Variants in FAM13C observed in about 807,000 individuals in gnomAD.
FAM13C encodes the protein protein FAM13C.
A neutral mutation model predicts 73.2 loss-of-function variants in FAM13C; 37 were observed. That is an observed-to-expected ratio of 0.51 (90% CI 0.39 to 0.67). FAM13C has a LOEUF of 0.67. Ranked by LOEUF, FAM13C falls within the 30% of genes least tolerant of loss-of-function variation. The pLI, the probability that FAM13C is intolerant of heterozygous loss-of-function variation, is 0.00. For synonymous variants in FAM13C, 246 were observed against 260.9 expected, an observed-to-expected ratio of 0.94 and a Z score of 0.55; for missense variants, 589 against 715.6, an observed-to-expected ratio of 0.82 and a Z score of 2.02.
chr10:59,287,475 C>CT (rs200602603), intron 5 of FAM13C, among the ~76,000 whole-genome samples: 3,153 of 143,208 alleles, frequency 0.022, 47 homozygotes, highest in Middle Eastern at 0.06. Flanking sequence ...ACCTTTCATT[C>CT]TTTTTTTTTT....
rs757180554 is a variant in FAM13C at position 59,262,571 on chromosome 10, G to A, written c.1099C>T (p.Pro367Ser). Reference protein sequence around the residue: ...GPPRNLLCEQPTVPRENGKPE... With the variant: ...GPPRNLLCEQSTVPRENGKPE... Reference sequence around the variant, plus strand: ...TTCCCATTTTCTCTGGGGACTGTGGGTTGCTCACACAACAGGTTTCTAGGT... The same window carrying A: ...TTCCCATTTTCTCTGGGGACTGTGGATTGCTCACACAACAGGTTTCTAGGT... The change falls in exon 10 of 14, where the codon CCC becomes TCC. Residue 367 changes from proline (P) to serine (S), a missense_variant. Coordinates refer to ENST00000618804, the MANE Select transcript of FAM13C (RefSeq NM_198215.4). 13 of 1,613,774 alleles carry A rather than the reference G, an allele frequency of 8.1e-6. No homozygotes were observed. Among genetic ancestry groups the A allele is most frequent in the Admixed American group, 3.3e-5 (2 of 59,952 alleles).
At chr10:59,255,570 A>C (rs1428564416) in intron 10 of FAM13C, among the ~76,000 whole-genome samples, 1 of 152,150 alleles carries the variant, frequency 6.6e-6, no homozygotes, top group Non-Finnish European at 1.5e-5. Flanking sequence ...AGTGATATAC[A>C]CTTGGCAAGT....
intron 3 of FAM13C, among the ~76,000 whole-genome samples, chr10:59,351,245 A>G (rs533768020): frequency 1.3e-5 from 2 of 150,750 alleles, no homozygotes; most frequent in Admixed American, 6.7e-5. Context: ...AGGTGGGAGG[A>G]TCACTTGAAC....
intron 3 of FAM13C, among the ~76,000 whole-genome samples, chr10:59,338,436 T>C (rs563882852): frequency 6.6e-6 from 1 of 152,326 alleles, no homozygotes; most frequent in East Asian, 1.9e-4. Context: ...TGAATCATTC[T>C]ATTAGTTCAA....
intron 4 of FAM13C, among the ~76,000 whole-genome samples, chr10:59,307,166 G>T (rs942412698): frequency 1.4e-4 from 22 of 152,052 alleles, no homozygotes; most frequent in African/African-American, 4.3e-4. Flanking sequence ...GACTGAAATA[G>T]AGAAGTAAAA....
At chr10:59,362,134 A>G (rs1856490008) in intron 1 of FAM13C, among the ~76,000 whole-genome samples, 1 of 152,150 alleles carries the variant, frequency 6.6e-6, no homozygotes, top group African/African-American at 2.4e-5. Flanking sequence ...TCTGAGCTCC[A>G]AGAACACATA....
chr10:59,280,328 C>T (rs1318848195), intron 6 of FAM13C, among the ~76,000 whole-genome samples: 1 of 152,126 alleles, frequency 6.6e-6, no homozygotes, highest in Non-Finnish European at 1.5e-5. Context: ...CCCTAAGGGC[C>T]CTCTATTCCT....
At chr10:59,313,398 C>G (rs1849163491) in intron 4 of FAM13C, among the ~76,000 whole-genome samples, 1 of 152,192 alleles carries the variant, frequency 6.6e-6, no homozygotes. Flanking sequence ...CTTTGTTGCA[C>G]ACGAGCAAGA....
chr10:59,325,160 T>C (rs1850922806), intron 3 of FAM13C, among the ~76,000 whole-genome samples: 1 of 152,140 alleles, frequency 6.6e-6, no homozygotes, highest in African/African-American at 2.4e-5. Flanking sequence ...TGCAGTGAAT[T>C]TGGGTCTTCT....
intron 5 of FAM13C, chr10:59,300,814 G>C (rs1453824811): frequency 6.6e-6 from 1 of 152,214 alleles, no homozygotes; most frequent in Non-Finnish European, 1.5e-5. Flanking sequence ...GTAGCGACTG[G>C]AAGGAATTAC....
At chr10:59,306,151 G>T (rs1848223100) in intron 4 of FAM13C, among the ~76,000 whole-genome samples, 1 of 152,126 alleles carries the variant, frequency 6.6e-6, no homozygotes, top group East Asian at 1.9e-4. Context: ...CTAGGGCTTT[G>T]GTGCAAGCTC....
At chr10:59,278,308 T>G (rs1844548786) in intron 6 of FAM13C, among the ~76,000 whole-genome samples, 1 of 152,136 alleles carries the variant, frequency 6.6e-6, no homozygotes, top group African/African-American at 2.4e-5. Context: ...ATCTTTCATC[T>G]GGGGGTGATA....
chr10:59,361,783 C>T (rs921211184), intron 1 of FAM13C, among the ~76,000 whole-genome samples: 4 of 152,112 alleles, frequency 2.6e-5, no homozygotes, highest in East Asian at 1.9e-4. Flanking sequence ...CTCCTTCATT[C>T]ACACTCCTTC....
intron 4 of FAM13C, among the ~76,000 whole-genome samples, chr10:59,320,707 C>T (rs1375393732): frequency 2.6e-5 from 4 of 152,162 alleles, no homozygotes; most frequent in African/African-American, 7.2e-5. Context: ...CAGAAACAGC[C>T]GGATTCGTTA....
chr10:59,278,143 T>C lies in FAM13C; in HGVS notation c.592+5220A>G, dbSNP rs190546013. Among the ~76,000 whole-genome samples the C allele has an allele frequency of 2.0e-5, 3 of 152,236 alleles. No homozygotes were observed. In the East Asian group the frequency reaches 5.8e-4, roughly 29 times the overall value. ...AAACCATCAGACCTCATGTGACTTA[T>C]TCACTATCACGAGAGCAGCATGGGA... On this transcript the variant is annotated intron_variant, in intron 6 of 13. Transcript: ENST00000618804.
intron 3 of FAM13C, among the ~76,000 whole-genome samples, chr10:59,328,003 C>T (rs1251733006): frequency 6.6e-6 from 1 of 152,178 alleles, no homozygotes; most frequent in Non-Finnish European, 1.5e-5. Flanking sequence ...CCAAGCGTAG[C>T]CCAGATGGGC....
At position 59,319,101 on chromosome 10, in the gene FAM13C, ACACACACACACACACACATT is replaced by A. The variant is rs1360384971; in HGVS notation, c.443+4867_443+4886del. On this transcript the variant is annotated intron_variant, in intron 4 of 13. Transcript: ENST00000618804. ...CACACACACACACACACACACACACACACACACACACACACACATTGTCTATCTCAAAAACAAAAGATGAA... is the reference window on the plus strand; with the variant it reads ...CACACACACACACACACACACACACAGTCTATCTCAAAAACAAAAGATGAA... 3.7e-4 allele frequency among the ~76,000 whole-genome samples: 55 copies of A among 150,454 alleles called. 1 individual carries two copies. Among genetic ancestry groups the A allele is most frequent in the African/African-American group, 1.2e-3 (50 of 40,070 alleles).
At chr10:59,360,940 C>G (rs1039474241) in intron 1 of FAM13C, 23 of 1,016,030 alleles carry the variant, frequency 2.3e-5, no homozygotes, top group Non-Finnish European at 2.8e-5. Flanking sequence ...TGTGACTGAC[C>G]GAGGATTTGG....
At chr10:59,276,031 T>C (rs1395950501) in intron 6 of FAM13C, among the ~76,000 whole-genome samples, 2 of 152,182 alleles carry the variant, frequency 1.3e-5, no homozygotes, top group Admixed American at 6.6e-5. Context: ...CAAAATCACA[T>C]AAAAATTATT....
Sources: gnomAD v4.1 joint callset for allele counts (sites outside exome capture counted in the v4.1 genomes callset) on GRCh38, gnomAD v4.1.1 for gene constraint, MANE v1.5 for transcripts, NCBI Gene and HGNC (gene_info 2026-07-23, HGNC 2026-07-21) for gene names.